KLF7: variants seen among roughly 807,000 people sequenced by gnomAD.
KLF7 encodes Krueppel-like factor 7.
Under a neutral mutation model 27.3 loss-of-function variants are expected in KLF7, and 2 were observed. The ratio of observed to expected loss-of-function variants is 0.07; its 90% CI spans 0.03 to 0.23. The LOEUF (loss-of-function observed/expected upper bound fraction) is 0.23, where lower values mean the gene tolerates loss of function less well. KLF7 is among the 10% of genes least tolerant of loss of function. The pLI is 1.00. For synonymous variants in KLF7, 165 were observed against 162.4 expected (o/e 1.02, Z -0.12); for missense variants, 221 against 394.1 (o/e 0.56, Z 3.72).
rs751569771 is a variant in KLF7, at chr2:207,123,847, G to A, written c.660C>T (p.Arg220=). ...ACPENKKRVH[R]CQFNGCRKVY... ...CTTTCCGGCACCCGTTAAACTGACA[G>A]CGGTGAACCCTCTTCTTGTTTTCGG... Residue 220 remains arginine, a synonymous_variant, in exon 2 of 4, where the codon CGC becomes CGT. Coordinates refer to ENST00000309446, the MANE Select transcript of KLF7 (RefSeq NM_003709.4). 5 of 1,614,004 alleles carry A rather than the reference G, an allele frequency of 3.1e-6. No individual in the cohort carries two copies. Among genetic ancestry groups the A allele is most frequent in the Admixed American group, 1.7e-5 (1 of 60,008 alleles).
rs903113072 is a variant in KLF7, at chr2:207,076,186, G to A, written c.*5027C>T. ...TATATACCACCCTCATTATGCTGAC[G>A]TGGGGTCCATCTTATGGCAGTAGAC... On this transcript the variant is annotated 3_prime_UTR_variant, in exon 4 of 4. Transcript: ENST00000309446. The A allele has an allele frequency of 6.6e-6, 1 of 152,014 alleles. No homozygotes were observed. The highest frequency in any genetic ancestry group is 2.4e-5 in the African/African-American group (1 of 41,362). The allele number at this position is 152,014 out of a possible 1,614,324, so 9.4% of individuals were successfully genotyped here.
At chr2:207,102,815 C>A (rs1488740876) in intron 2 of KLF7, among the ~76,000 whole-genome samples, 1 of 152,192 alleles carries the variant, frequency 6.6e-6, no homozygotes, top group South Asian at 2.1e-4. Flanking sequence ...AGCTTATGGC[C>A]ACCCAGAACA....
At chr2:207,155,713 C>A (rs2078364066) in intron 1 of KLF7, among the ~76,000 whole-genome samples, 1 of 152,198 alleles carries the variant, frequency 6.6e-6, no homozygotes, top group Non-Finnish European at 1.5e-5. Flanking sequence ...TAAGCAGCAT[C>A]TCATCACTCT....
intron 1 of KLF7, among the ~76,000 whole-genome samples, chr2:207,129,100 T>C (rs2077555416): frequency 1.3e-5 from 2 of 152,206 alleles, no homozygotes. Context: ...TCTGTAAGTC[T>C]AAACTAACTT....
At chr2:207,137,031 A>C (rs927099370) in intron 1 of KLF7, among the ~76,000 whole-genome samples, 11 of 152,312 alleles carry the variant, frequency 7.2e-5, no homozygotes, top group African/African-American at 2.6e-4. Context: ...TTTTCTCCTC[A>C]GCAGTCCATA....
At chr2:207,087,023 TAGAA>T (rs559999517) in intron 3 of KLF7, among the ~76,000 whole-genome samples, 1 of 152,134 alleles carries the variant, frequency 6.6e-6, no homozygotes, top group Non-Finnish European at 1.5e-5. Context: ...GAGATGGAAA[TAGAA>T]GGAAGATGGG....
intron 1 of KLF7, among the ~76,000 whole-genome samples, chr2:207,161,252 T>A (rs1407078163): frequency 6.6e-6 from 1 of 152,206 alleles, no homozygotes; most frequent in Non-Finnish European, 1.5e-5. Context: ...AAAGATAAAT[T>A]CTGGGTAACG....
At position 207,088,451 on chromosome 2, in the gene KLF7, T is replaced by TC. The variant is rs1342249190; in HGVS notation, c.857+6dup. 10 of 1,613,316 alleles carry TC rather than the reference T, an allele frequency of 6.2e-6. No homozygotes were observed. Among genetic ancestry groups the TC allele is most frequent in the Non-Finnish European group, 8.5e-6 (10 of 1,179,486 alleles). On this transcript the variant is annotated splice_region_variant and intron_variant, in intron 3 of 3. Transcript: ENST00000309446. ...TCCCTAGCCCATCAACTTCTACTTC[T>TC]CTTTACCTGTCGCAGTGGTTGCATT... is the stretch of plus-strand genomic sequence containing the variant.
chr2:207,099,597 T>TA (rs35506482), intron 2 of KLF7, among the ~76,000 whole-genome samples: 112 of 99,802 alleles, frequency 1.1e-3, no homozygotes, highest in African/African-American at 3.3e-3. Context: ...TCAATGGTAT[T>TA]AAAAAAAAAA....
chr2:207,117,005 T>G (rs1300580746), intron 2 of KLF7, among the ~76,000 whole-genome samples: 1 of 152,172 alleles, frequency 6.6e-6, no homozygotes, highest in Non-Finnish European at 1.5e-5. Flanking sequence ...GTATGTACAG[T>G]GGGTGTTCGA....
chr2:207,119,887 G>A (rs575333424), intron 2 of KLF7, among the ~76,000 whole-genome samples: 4 of 152,166 alleles, frequency 2.6e-5, no homozygotes, highest in Non-Finnish European at 5.9e-5. Flanking sequence ...ACTTTTAGTA[G>A]AGACGGGTGT....
rs574021748 is a variant in KLF7, at chr2:207,074,157, T to C, written c.*7056A>G. Reference sequence around the variant, plus strand: ...CACGGTTTCTAAAGTAAACATTTATTGGAAAGTTTCTTGTCAGATTCATTT... The same window carrying C: ...CACGGTTTCTAAAGTAAACATTTATCGGAAAGTTTCTTGTCAGATTCATTT... On this transcript the variant is annotated 3_prime_UTR_variant, in exon 4 of 4. Coordinates refer to ENST00000309446, the MANE Select transcript of KLF7 (RefSeq NM_003709.4). The C allele has an allele frequency of 6.6e-6, 1 of 152,356 alleles. No homozygotes were observed. The highest frequency in any genetic ancestry group is 6.5e-5 in the Admixed American group (1 of 15,306). 9.4% of individuals were successfully genotyped at this position (152,356 alleles called of 1,614,324 possible).
chr2:207,077,631 T>C lies in KLF7; in HGVS notation c.*3582A>G, dbSNP rs1170642872. The C allele has an allele frequency of 6.6e-6, 1 of 152,194 alleles. No homozygotes were observed. The highest frequency in any genetic ancestry group is 1.9e-4 in the East Asian group (1 of 5,198). 9.4% of individuals were successfully genotyped at this position (152,194 alleles called of 1,614,324 possible). ...CTTTGTCATGGAATCTGAACATCTC[T>C]TTTTCTGGACATAATACTCATTACC... On this transcript the variant is annotated 3_prime_UTR_variant, in exon 4 of 4. Coordinates refer to ENST00000309446, the MANE Select transcript of KLF7 (RefSeq NM_003709.4).
At chr2:207,143,994 G>C (rs2078021220) in intron 1 of KLF7, among the ~76,000 whole-genome samples, 1 of 152,098 alleles carries the variant, frequency 6.6e-6, no homozygotes, top group South Asian at 2.1e-4. Flanking sequence ...CTCTGCCTTG[G>C]TGGAGAGAGA....
chr2:207,113,255 T>C (rs2077082820), intron 2 of KLF7, among the ~76,000 whole-genome samples: 1 of 152,230 alleles, frequency 6.6e-6, no homozygotes, highest in African/African-American at 2.4e-5. Context: ...AGTTTTTTTT[T>C]CCTGAAGACC....
intron 2 of KLF7, among the ~76,000 whole-genome samples, chr2:207,106,608 C>T (rs1331203235): frequency 6.6e-6 from 1 of 152,174 alleles, no homozygotes; most frequent in Non-Finnish European, 1.5e-5. Context: ...AACAGCCTTT[C>T]TCCATGAAGT....
At chr2:207,104,844 G>A (rs192451425) in intron 2 of KLF7, among the ~76,000 whole-genome samples, 4 of 152,248 alleles carry the variant, frequency 2.6e-5, no homozygotes, top group Admixed American at 2.0e-4. Context: ...TGTTTCAACT[G>A]GAAAGAATGT....
At chr2:207,087,366 G>A (rs1265147622) in intron 3 of KLF7, among the ~76,000 whole-genome samples, 2 of 152,162 alleles carry the variant, frequency 1.3e-5, no homozygotes, top group Non-Finnish European at 2.9e-5. Flanking sequence ...TCCTAAGGGA[G>A]CACTAAGCCA....
At chr2:207,109,092 T>C (rs1433997281) in intron 2 of KLF7, among the ~76,000 whole-genome samples, 1 of 152,236 alleles carries the variant, frequency 6.6e-6, no homozygotes, top group Non-Finnish European at 1.5e-5. Context: ...CATCAAGAAT[T>C]ATCTAAAATA....
Sources: allele counts gnomAD v4.1 joint callset (sites outside exome capture counted in the v4.1 genomes callset), GRCh38; gene constraint gnomAD v4.1.1; transcripts MANE v1.5; gene names NCBI Gene and HGNC (gene_info 2026-07-23, HGNC 2026-07-21).